LRP1B: variants seen among roughly 807,000 people sequenced by gnomAD.
LRP1B encodes the protein low-density lipoprotein receptor-related protein 1B.
LRP1B carries 217 observed loss-of-function variants against 556.6 expected under a neutral mutation model. That is an observed-to-expected ratio of 0.39 (90% CI 0.35 to 0.44). LRP1B has a LOEUF of 0.44. Among genes scored for constraint, LRP1B ranks in the 20% least tolerant of loss-of-function variants. The pLI, the probability that LRP1B is intolerant of heterozygous loss-of-function variation, is 1.00. For missense variants in LRP1B, 5,053 were observed against 5,620.8 expected (o/e 0.90, Z 3.23); for synonymous variants, 2,047 against 1,865.8 (o/e 1.10, Z -2.50).
intron 6 of LRP1B, among the ~76,000 whole-genome samples, chr2:141,219,235 G>C (rs938248148): frequency 6.6e-6 from 1 of 152,188 alleles, no homozygotes; most frequent in African/African-American, 2.4e-5. Flanking sequence ...CCATCACTGA[G>C]GCTGTCATCA....
At chr2:140,959,956 T>C (rs182477151) in intron 18 of LRP1B, among the ~76,000 whole-genome samples, 5 of 151,812 alleles carry the variant, frequency 3.3e-5, no homozygotes, top group Admixed American at 6.6e-5. Flanking sequence ...CCTGAAGTAG[T>C]AGTGAGGTTG....
intron 84 of LRP1B, among the ~76,000 whole-genome samples, chr2:140,281,998 G>GA (rs66467149): frequency 5.3e-4 from 80 of 150,670 alleles, no homozygotes; most frequent in African/African-American, 1.8e-3. Flanking sequence ...ATAAGGAAAA[G>GA]AAAAAAAAAT....
chr2:141,447,980 G>A (rs1368649931), intron 3 of LRP1B, among the ~76,000 whole-genome samples: 2 of 152,202 alleles, frequency 1.3e-5, no homozygotes, highest in Non-Finnish European at 2.9e-5. Flanking sequence ...GAGCTGGTAG[G>A]CAGGAACATT....
At chr2:141,623,865 A>AT (rs1559185438) in intron 2 of LRP1B, among the ~76,000 whole-genome samples, 4 of 151,604 alleles carry the variant, frequency 2.6e-5, no homozygotes, top group Admixed American at 2.0e-4. Flanking sequence ...AAATACAAAA[A>AT]TTAGCCGGGC....
In LRP1B at chr2:140,324,056, A is replaced by C; in HGVS notation, c.12351T>G (p.His4117Gln). The C allele has an allele frequency of 1.2e-6, 2 of 1,603,176 alleles. No homozygotes were observed. Among genetic ancestry groups the C allele is most frequent in the Non-Finnish European group, 1.7e-6 (2 of 1,172,360 alleles). The change falls in exon 81 of 91, where the codon CAT becomes CAG. Residue 4117 changes from histidine (H) to glutamine (Q), a missense_variant. His to Gln is a conservative substitution (Grantham distance 24). Around this residue, in one of 5 missense-constraint regions of LRP1B, gnomAD observed 551 missense variants for 592.0 expected, o/e 0.93. Transcript: ENST00000389484. ...VSVSSKQGLL[H>Q]PHRIDIFEDY... ...CTTCAAAGATATCGATCCTATGTGG[A>C]TGTAATAAACCTGGAATTTTAAAAA...
At chr2:141,502,857 C>CA (rs66690773) in intron 2 of LRP1B, among the ~76,000 whole-genome samples, 95,023 of 134,572 alleles carry the variant, frequency 0.71, 33,964 homozygotes, top group East Asian at 0.87. Flanking sequence ...GACCCCGTCT[C>CA]AAAAAATAAA....
At chr2:141,358,765 T>A (rs1688715933) in intron 3 of LRP1B, among the ~76,000 whole-genome samples, 1 of 152,146 alleles carries the variant, frequency 6.6e-6, no homozygotes, top group Admixed American at 6.5e-5. Context: ...AATTTCATAA[T>A]CTCCATCATG....
At chr2:140,906,114 G>C (rs1305395286) in intron 22 of LRP1B, among the ~76,000 whole-genome samples, 1 of 152,104 alleles carries the variant, frequency 6.6e-6, no homozygotes, top group Non-Finnish European at 1.5e-5. Context: ...ACCTCTGAAA[G>C]AGTGCGGTGT....
At position 141,970,118 on chromosome 2, in the gene LRP1B, A is replaced by G. The variant is rs115376396; in HGVS notation, c.83-159717T>C. ...ATTCAGGCCCCTTGCCCATTTTAAA[A>G]TCAGATTATTTGTTTTCTTTCTATA... On this transcript the variant is annotated intron_variant, in intron 1 of 90. Transcript: ENST00000389484. 2.0e-3 allele frequency among the ~76,000 whole-genome samples: 304 copies of G among 151,654 alleles called. 3 individuals are homozygous for G. Among genetic ancestry groups the G allele is most frequent in the African/African-American group, 7.2e-3 (297 of 41,502 alleles).
chr2:141,077,633 A>C (rs1313842926), intron 7 of LRP1B, among the ~76,000 whole-genome samples: 1 of 152,212 alleles, frequency 6.6e-6, no homozygotes, highest in African/African-American at 2.4e-5. Context: ...CAATTAAAAG[A>C]ATTTAAGAGC....
chr2:141,002,693 T>C (rs79493772), intron 15 of LRP1B, among the ~76,000 whole-genome samples: 3,517 of 152,134 alleles, frequency 0.023, 70 homozygotes, highest in Non-Finnish European at 0.032. Flanking sequence ...TACATAGTCT[T>C]CTTGAAGAAG....
rs80188354 is a variant in LRP1B at position 141,344,814 on chromosome 2, G to C, written c.344-90173C>G. Among the ~76,000 whole-genome samples the C allele has an allele frequency of 7.0e-4, 106 of 152,232 alleles. 1 individual carries two copies. Among genetic ancestry groups the C allele is most frequent in the Non-Finnish European group, 1.2e-3 (80 of 68,022 alleles). ...ATTATTAATCATTTGTGAGAGACTA[G>C]TATTTTTCTAATTGGGAGCTTGAAG... is the stretch of plus-strand genomic sequence containing the variant. On this transcript the variant is annotated intron_variant, in intron 3 of 90. Coordinates refer to ENST00000389484, the MANE Select transcript of LRP1B (RefSeq NM_018557.3).
intron 1 of LRP1B, among the ~76,000 whole-genome samples, chr2:141,875,389 C>T (rs775220407): frequency 6.6e-5 from 10 of 151,790 alleles, no homozygotes; most frequent in Non-Finnish European, 1.3e-4. Context: ...CAGCATTAAC[C>T]TACAGGCAAA....
intron 2 of LRP1B, among the ~76,000 whole-genome samples, chr2:141,757,119 T>C (rs2105583601): frequency 6.6e-6 from 1 of 152,268 alleles, no homozygotes; most frequent in African/African-American, 2.4e-5. Flanking sequence ...GTAAGTTATG[T>C]CACATAACCT....
chr2:140,905,574 C>A (rs886951345), intron 22 of LRP1B, among the ~76,000 whole-genome samples: 1 of 152,116 alleles, frequency 6.6e-6, no homozygotes, highest in Admixed American at 6.6e-5. Context: ...GGGTCTTACT[C>A]TTACTTGCTG....
intron 3 of LRP1B, among the ~76,000 whole-genome samples, chr2:141,302,621 T>C (rs539831479): frequency 6.6e-6 from 1 of 152,242 alleles, no homozygotes; most frequent in East Asian, 1.9e-4. Context: ...TATACATTCT[T>C]AATTGTATTG....
At chr2:141,437,043 C>A (rs540625965) in intron 3 of LRP1B, among the ~76,000 whole-genome samples, 1 of 152,116 alleles carries the variant, frequency 6.6e-6, no homozygotes, top group African/African-American at 2.4e-5. Context: ...CATGAATGAC[C>A]CACATTTTAC....
At chr2:141,576,004 G>A (rs569415812) in intron 2 of LRP1B, among the ~76,000 whole-genome samples, 3 of 152,186 alleles carry the variant, frequency 2.0e-5, no homozygotes, top group Non-Finnish European at 2.9e-5. Flanking sequence ...ATGTAAATTC[G>A]TTCAACCATT....
intron 3 of LRP1B, among the ~76,000 whole-genome samples, chr2:141,286,066 CAAAAAAAA>C (rs200182512): frequency 1.1e-5 from 1 of 94,684 alleles, no homozygotes; most frequent in South Asian, 3.9e-4. Flanking sequence ...GACTCCGTCT[CAAAAAAAA>C]AAAAAAAAAA....
Sources: allele counts gnomAD v4.1 joint callset (sites outside exome capture counted in the v4.1 genomes callset), GRCh38; gene constraint gnomAD v4.1.1; regional missense constraint gnomAD v4.1.1; transcripts MANE v1.5; gene names NCBI Gene and HGNC (gene_info 2026-07-23, HGNC 2026-07-21).